Variants in TDRD6 observed in about 807,000 individuals in gnomAD.
TDRD6 encodes the protein tudor domain containing 6, also known as tudor domain-containing protein 6.
In TDRD6, 186 loss-of-function variants were observed where a neutral mutation model predicts 157.5. That is an observed-to-expected ratio of 1.18 (90% CI 1.05 to 1.33). The LOEUF is 1.33. TDRD6 is among the 40% of genes most tolerant of loss of function. The pLI is 0.00. For missense variants in TDRD6, 3,066 were observed against 2,508.0 expected, an observed-to-expected ratio of 1.22 and a Z score of -4.75; for synonymous variants, 1,075 against 945.2, an observed-to-expected ratio of 1.14 and a Z score of -2.52.
In TDRD6 at chr6:46,693,713, T is replaced by C. The variant is rs768730537; in HGVS notation, c.5585T>C (p.Val1862Ala). The C allele has an allele frequency of 1.5e-5, 25 of 1,613,984 alleles. No individual in the cohort carries two copies. The highest frequency in any genetic ancestry group is 2.0e-5 in the Non-Finnish European group (24 of 1,180,020). The stretch of plus-strand genomic sequence containing the variant: ...ATTGAGTTACAGAATTCTCTGGTGG[T>C]GGATGAAGAAAAAGGGGAGCTAAGC... The part of the protein sequence containing the change: ...ESIELQNSLV[V>A]DEEKGELSPV... The change falls in exon 1 of 4, where the codon GTG (valine) becomes GCG (alanine). Residue 1862 changes from valine to alanine, a missense_variant. By Grantham distance (64) the Val-to-Ala change is moderately conservative (BLOSUM62 0). Coordinates refer to ENST00000316081, the MANE Select transcript of TDRD6 (RefSeq NM_001010870.3).
In TDRD6 at chr6:46,691,537, C is replaced by T. The variant is rs985604123; in HGVS notation, c.3409C>T (p.Leu1137=). ...LVVAKDPDGT[L]IIELYGDNIQ... ...TGTAGCAAAAGATCCAGATGGAACACTGATTATAGAACTATATGGTGACAA... is the reference window on the plus strand; with the variant it reads ...TGTAGCAAAAGATCCAGATGGAACATTGATTATAGAACTATATGGTGACAA... The change falls in exon 1 of 4, where the codon CTG becomes TTG. Residue 1137 remains leucine, a synonymous_variant. Coordinates refer to ENST00000316081, the MANE Select transcript of TDRD6 (RefSeq NM_001010870.3). The T allele has an allele frequency of 3.1e-6, 5 of 1,613,726 alleles. No homozygotes were observed. Among genetic ancestry groups the T allele is most frequent in the Non-Finnish European group, 4.2e-6 (5 of 1,179,868 alleles).
At chr6:46,684,365 TTGTGTG>T (rs56327636), upstream of TDRD6, among the ~76,000 whole-genome samples, 1,125 of 147,090 alleles carry the variant, frequency 7.6e-3, 6 homozygotes, top group Middle Eastern at 0.021. Context: ...AAGCACACAT[TTGTGTG>T]TGTGTGTGTG....
Position 46,691,256 on chromosome 6 carries a change from A to C in TDRD6, c.3128A>C (p.Lys1043Thr). The C allele has an allele frequency of 6.2e-7, 1 of 1,614,126 alleles. No individual in the cohort carries two copies. The highest frequency in any genetic ancestry group is 8.5e-7 in the Non-Finnish European group (1 of 1,179,968). ...PLNPGTLCLA[K>T]YTDGNWYRGI... ...AACCCTGGAACCTTGTGCCTTGCCA[A>C]GTATACTGATGGAAACTGGTATAGG... The change falls in exon 1 of 4, where the codon AAG (lysine) becomes ACG (threonine). Residue 1043 changes from lysine to threonine, a missense_variant. Transcript: ENST00000316081.
At position 46,690,699 on chromosome 6, in the gene TDRD6, A is replaced by AG. The variant is rs1296670573; in HGVS notation, c.2572dup (p.Glu858GlyfsTer12). Reference sequence around the variant, plus strand: ...TAACATTTGTAGATTATGGAGACAGAGAAATGGTATCTGTGAAGAATATTT... The same window carrying AG: ...TAACATTTGTAGATTATGGAGACAGAGGAAATGGTATCTGTGAAGAATATTT... On this transcript the variant is annotated frameshift_variant, in exon 1 of 4. Transcript: ENST00000316081. LOFTEE classifies it high-confidence loss of function. 5 of 1,614,178 alleles carry AG rather than the reference A, an allele frequency of 3.1e-6. No individual in the cohort carries two copies. The Middle Eastern group carries it at 4.9e-4, about 160-fold the overall frequency.
At position 46,689,035 on chromosome 6, in the gene TDRD6, T is replaced by TGGGAGGAGA. The variant is rs754120647; in HGVS notation, c.918_926dup (p.Arg306_Glu308dup). ...GGATGAGAACTCTACCAGTGCCACC[T>TGGGAGGAGA]GGGAGGAGAGGGAGGAGAGCCCAGA... On this transcript the variant is annotated inframe_insertion, in exon 1 of 4. Transcript: ENST00000316081. The TGGGAGGAGA allele has an allele frequency of 6.2e-7, 1 of 1,613,828 alleles. No homozygotes were observed. The highest frequency in any genetic ancestry group is 8.5e-7 in the Non-Finnish European group (1 of 1,179,804).
At chr6:46,695,655 C>A (rs1443895126) in intron 1 of TDRD6, among the ~76,000 whole-genome samples, 166 bp from the exon 2 acceptor site, 2 of 151,940 alleles carry the variant, frequency 1.3e-5, no homozygotes, top group African/African-American at 4.8e-5. Flanking sequence ...GGGGCGGGCA[C>A]TGTAAGAATT....
rs1291491333 is a variant in TDRD6 at position 46,693,011 on chromosome 6, C to G, written c.4883C>G (p.Pro1628Arg). ...WAIPSELLSVPMQAFPCCLSG... is the reference protein window; with the variant it reads ...WAIPSELLSVRMQAFPCCLSG... ...ATTCCTTCTGAACTTCTGTCGGTTCCCATGCAAGCCTTTCCATGTTGCCTC... is the reference window on the plus strand; with the variant it reads ...ATTCCTTCTGAACTTCTGTCGGTTCGCATGCAAGCCTTTCCATGTTGCCTC... Residue 1628 changes from proline to arginine, a missense_variant, in exon 1 of 4, where the codon CCC becomes CGC. Physicochemically the swap from Pro to Arg is moderately radical, Grantham distance 103. Transcript: ENST00000316081. 1 of 1,612,732 alleles carries G rather than the reference C, an allele frequency of 6.2e-7. No individual in the cohort carries two copies. The highest frequency in any genetic ancestry group is 8.5e-7 in the Non-Finnish European group (1 of 1,179,340).
At chr6:46,694,226 A>G (rs776460269) in intron 1 of TDRD6, 52 bp downstream of exon 1, 4 of 1,218,008 alleles carry the variant, frequency 3.3e-6, no homozygotes, top group African/African-American at 3.4e-5. Context: ...TTTTTGAGAC[A>G]GGGTCTTGCT....
rs1764280203 is a variant in TDRD6 at position 46,690,613 on chromosome 6, G to A, written c.2485G>A (p.Val829Ile). 1.9e-6 allele frequency: 3 copies of A among 1,614,088 alleles called. No individual in the cohort carries two copies. The highest frequency in any genetic ancestry group is 2.5e-6 in the Non-Finnish European group (3 of 1,180,044). ...NTLACLAKRT[V>I]NRQWSRALIS... is the part of the protein sequence containing the mutation. ...CCTTGCTTGTTTGGCTAAGCGAACA[G>A]TAAACAGACAGTGGTCCAGAGCACT... is the stretch of plus-strand genomic sequence containing the variant. The change falls in exon 1 of 4, where the codon GTA becomes ATA. Residue 829 changes from valine (V) to isoleucine (I), a missense_variant. Transcript: ENST00000316081.
At position 46,690,808 on chromosome 6, in the gene TDRD6, A is replaced by G; in HGVS notation, c.2680A>G (p.Asn894Asp). The change falls in exon 1 of 4, where the codon AAT (asparagine) becomes GAT (aspartate). Residue 894 changes from asparagine to aspartate, a missense_variant. Asn to Asp is a conservative substitution (Grantham distance 23, BLOSUM62 1). Transcript: ENST00000316081. Reference protein sequence around the residue: ...LYNLIQPVGQNPFVWDVKAIQ... With the variant: ...LYNLIQPVGQDPFVWDVKAIQ... ...TAATTTAATTCAACCAGTTGGCCAG[A>G]ATCCCTTTGTTTGGGATGTAAAGGC... is the stretch of plus-strand genomic sequence containing the variant. 1 of 1,614,096 alleles carries G rather than the reference A, an allele frequency of 6.2e-7. No homozygotes were observed. The highest frequency in any genetic ancestry group is 1.6e-4 in the Middle Eastern group (1 of 6,062).
Position 46,688,523 on chromosome 6 carries a change from C to A in TDRD6, c.395C>A (p.Ala132Glu), listed in dbSNP as rs772654330. Residue 132 changes from alanine to glutamate, a missense_variant, in exon 1 of 4, where the codon GCG becomes GAG. By Grantham distance (107) the Ala-to-Glu change is moderately radical. Coordinates refer to ENST00000316081, the MANE Select transcript of TDRD6 (RefSeq NM_001010870.3). ...LPSEVLGCVL[A>E]GLVPAGCGAG... ...TCGGAAGTGCTGGGCTGCGTGCTAGCGGGCCTGGTGCCGGCAGGCTGCGGC... is the reference window on the plus strand; with the variant it reads ...TCGGAAGTGCTGGGCTGCGTGCTAGAGGGCCTGGTGCCGGCAGGCTGCGGC... 2 of 1,568,092 alleles carry A rather than the reference C, an allele frequency of 1.3e-6. No individual in the cohort carries two copies. Among genetic ancestry groups the A allele is most frequent in the Non-Finnish European group, 1.7e-6 (2 of 1,160,928 alleles).
chr6:46,699,405 A>G (rs554582677), intron 3 of TDRD6, among the ~76,000 whole-genome samples: 30 of 152,274 alleles, frequency 2.0e-4, no homozygotes, highest in Middle Eastern at 6.8e-3. Flanking sequence ...GTAGGTGCCT[A>G]TGTTGCCATA....
In TDRD6 at chr6:46,688,154, CGCCGGGGGCCTCGCTG is replaced by C; in HGVS notation, c.30_45del (p.Gly11CysfsTer12). On this transcript the variant is annotated frameshift_variant, in exon 1 of 4. Coordinates refer to ENST00000316081, the MANE Select transcript of TDRD6 (RefSeq NM_001010870.3). LOFTEE classifies it high-confidence loss of function. ...ATGTGCTCGACGCCCGGAATGCCGG[CGCCGGGGGCCTCGCTG>C]GCCCTGCGGGTGTCCTTCGTGGACG... is the stretch of plus-strand genomic sequence containing the variant. The C allele has an allele frequency of 6.5e-7, 1 of 1,543,988 alleles. No homozygotes were observed. The highest frequency in any genetic ancestry group is 8.7e-7 in the Non-Finnish European group (1 of 1,151,646).
rs145187427 is a variant in TDRD6, at chr6:46,692,890, C to T, written c.4762C>T (p.Leu1588Phe). Residue 1588 changes from leucine (L) to phenylalanine (F), a missense_variant, in exon 1 of 4, where the codon CTT becomes TTT. Physicochemically the swap from Leu to Phe is conservative, Grantham distance 22. Transcript: ENST00000316081. ...YREDGHYYRALITNICEDYLV... is the reference protein window; with the variant it reads ...YREDGHYYRAFITNICEDYLV... ...AGAAGATGGACATTATTATAGGGCA[C>T]TTATCACTAATATTTGTGAAGATTA... 1.2e-6 allele frequency: 2 copies of T among 1,614,106 alleles called. No individual in the cohort carries two copies. The highest frequency in any genetic ancestry group is 1.7e-6 in the Non-Finnish European group (2 of 1,180,008).
At position 46,688,978 on chromosome 6, in the gene TDRD6, G is replaced by A. The variant is rs770104509; in HGVS notation, c.850G>A (p.Ala284Thr). 1 of 1,613,720 alleles carries A rather than the reference G, an allele frequency of 6.2e-7. No homozygotes were observed. Among genetic ancestry groups the A allele is most frequent in the Admixed American group, 1.7e-5 (1 of 60,004 alleles). ...QEIHRLSESM[A>T]QVYRGSTGTG... ...GATCCACCGCCTCTCCGAGAGCATG[G>A]CCCAGGTATACCGGGGTTCCACGGG... Residue 284 changes from alanine (A) to threonine (T), a missense_variant, in exon 1 of 4, where the codon GCC becomes ACC. Coordinates refer to ENST00000316081, the MANE Select transcript of TDRD6 (RefSeq NM_001010870.3).
chr6:46,696,523 G>A (rs9717622), intron 2 of TDRD6, among the ~76,000 whole-genome samples: 61 of 130,952 alleles, frequency 4.7e-4, no homozygotes, highest in African/African-American at 1.6e-3. Context: ...ATATATATGT[G>A]TGTATATATG....
At chr6:46,694,762 A>G (rs181241774) in intron 1 of TDRD6, among the ~76,000 whole-genome samples, 263 of 152,324 alleles carry the variant, frequency 1.7e-3, no homozygotes, top group African/African-American at 6.1e-3. Flanking sequence ...AAATGTAATC[A>G]CATTTATAAT....
At position 46,688,362 on chromosome 6, in the gene TDRD6, G is replaced by T. The variant is rs1390872405; in HGVS notation, c.234G>T (p.Gly78=). ...SPGELCLVQV[G]LLWHRCRVVS... is the part of the protein sequence containing the mutation. ...GCGAGCTGTGCCTGGTGCAGGTCGG[G>T]CTTTTGTGGCACCGCTGCCGCGTGG... Residue 78 remains glycine, a synonymous_variant, in exon 1 of 4, where the codon GGG becomes GGT. Coordinates refer to ENST00000316081, the MANE Select transcript of TDRD6 (RefSeq NM_001010870.3). 21 of 1,533,534 alleles carry T rather than the reference G, an allele frequency of 1.4e-5. No homozygotes were observed. The highest frequency in any genetic ancestry group is 1.7e-5 in the Non-Finnish European group (20 of 1,144,472). 95.0% of individuals were successfully genotyped at this position (1,533,534 alleles called of 1,614,324 possible). A position where few individuals can be genotyped will look rare whatever the true frequency, so the allele number is the denominator to read the frequency against.
In TDRD6 at chr6:46,690,529, C is replaced by CT. The variant is rs776417952; in HGVS notation, c.2402dup (p.Met802AsnfsTer3). 6.2e-7 allele frequency: 1 copy of CT among 1,614,184 alleles called. No individual in the cohort carries two copies. Among genetic ancestry groups the CT allele is most frequent in the Admixed American group, 1.7e-5 (1 of 60,022 alleles). ...CAGGAACATACAAGGACTTAAAACT[C>CT]TAATGTCTGATATTCAGTACTATTG... On this transcript the variant is annotated frameshift_variant, in exon 1 of 4. Transcript: ENST00000316081. LOFTEE classifies it high-confidence loss of function.
Sources: gnomAD v4.1 joint callset for allele counts (sites outside exome capture counted in the v4.1 genomes callset) on GRCh38, gnomAD v4.1.1 for gene constraint, MANE v1.5 for transcripts, NCBI Gene and HGNC (gene_info 2026-07-23, HGNC 2026-07-21) for gene names.